Variants in IQCN observed in about 807,000 individuals in gnomAD.
The protein encoded by IQCN is IQ domain-containing protein N.
In IQCN, 46 loss-of-function variants were observed where a neutral mutation model predicts 64.4. That is an observed-to-expected ratio of 0.71 (90% CI 0.56 to 0.91). The LOEUF is 0.91. Among genes scored for constraint, IQCN ranks in the 40% least tolerant of loss-of-function variants. The pLI is 0.00. For synonymous variants in IQCN, 733 were observed against 775.6 expected (o/e 0.95, Z 0.91); for missense variants, 1,753 against 1,857.4 (o/e 0.94, Z 1.03).
chr19:18,273,077 C>G (rs557461557), intron 1 of IQCN, among the ~76,000 whole-genome samples: 3 of 152,048 alleles, frequency 2.0e-5, no homozygotes, highest in Non-Finnish European at 4.4e-5. Context: ...GTTGCCCAGG[C>G]TGAAGTGCAG....
At chr19:18,258,444 A>C in intron 3 of IQCN, 1 of 568,116 alleles carries the variant, frequency 1.8e-6, no homozygotes, top group South Asian at 1.5e-5. Context: ...CAGTTCTGGA[A>C]CAATCCTACC....
rs1969311887 is a variant in IQCN, at chr19:18,257,184, A to G, written c.4100T>C (p.Ile1367Thr). 1 of 1,612,686 alleles carries G rather than the reference A, an allele frequency of 6.2e-7. No individual in the cohort carries two copies. The highest frequency in any genetic ancestry group is 1.7e-5 in the Admixed American group (1 of 60,000). ...ASSRHMHWPG[I>T] ...CCACTGCAGGGAGCCAGGGTCCTAG[A>G]TGCCAGGCCAATGCATGTGCCGTGA... Residue 1367 changes from isoleucine to threonine, a missense_variant, in exon 4 of 4, where the codon ATC becomes ACC. Physicochemically the swap from Ile to Thr is moderately conservative, Grantham distance 89. Coordinates refer to ENST00000392413, the MANE Select transcript of IQCN (RefSeq NM_001145304.2).
chr19:18,272,759 T>C (rs533007287), intron 1 of IQCN, among the ~76,000 whole-genome samples: 69 of 152,000 alleles, frequency 4.5e-4, no homozygotes, highest in African/African-American at 1.2e-3. Context: ...TACAGGCGCC[T>C]GCCACCACGC....
intron 3 of IQCN, among the ~76,000 whole-genome samples, chr19:18,263,689 G>C (rs1969479891): frequency 6.6e-6 from 1 of 152,122 alleles, no homozygotes; most frequent in African/African-American, 2.4e-5. Flanking sequence ...CTGGATGCCT[G>C]CTGCTGGCCT....
chr19:18,274,099 A>C (rs891862087), intron 1 of IQCN, among the ~76,000 whole-genome samples: 10 of 152,074 alleles, frequency 6.6e-5, no homozygotes, highest in Non-Finnish European at 1.5e-4. Flanking sequence ...GTCTCTATTT[A>C]TTTAAAAAAA....
Position 18,264,921 on chromosome 19 carries a change from T to G in IQCN, c.2619A>C (p.Val873=), listed in dbSNP as rs1181258958. ...GQAVPCQEDT[V]GSLLASLCAE... is the part of the protein sequence containing the mutation. The stretch of plus-strand genomic sequence containing the variant: ...CACACAAGGAGGCCAGCAGGGAGCC[T>G]ACCGTGTCCTCCTGGCAGGGCACCG... The change falls in exon 3 of 4, where the codon GTA becomes GTC. Residue 873 remains valine (V), a synonymous_variant. Transcript: ENST00000392413. This position sits in a 1 kb window ranked among gnomAD's most constrained non-coding sequence, Gnocchi z 4.3. 6.2e-7 allele frequency: 1 copy of G among 1,613,214 alleles called. No individual in the cohort carries two copies. The highest frequency in any genetic ancestry group is 1.6e-4 in the Middle Eastern group (1 of 6,062).
chr19:18,268,832 C>G (rs182883997), intron 2 of IQCN, among the ~76,000 whole-genome samples: 1,637 of 151,848 alleles, frequency 0.011, 85 homozygotes, highest in Admixed American at 0.097. Context: ...CATGGTGGCT[C>G]GTGCCTGTAA....
Position 18,266,234 on chromosome 19 carries a change from A to G in IQCN, c.1306T>C (p.Ser436Pro), listed in dbSNP as rs2148105209. The G allele has an allele frequency of 6.2e-7, 1 of 1,613,838 alleles. No homozygotes were observed. The part of the protein sequence containing the change: ...KNRPQVSLLA[S>P]IMKSLPQVCP... ...ACCTGGGGCAGGCTCTTCATGATGGAAGCCAGAAGGGAAACCTGAGGTCGG... is the reference window on the plus strand; with the variant it reads ...ACCTGGGGCAGGCTCTTCATGATGGGAGCCAGAAGGGAAACCTGAGGTCGG... The change falls in exon 3 of 4, where the codon TCC becomes CCC. Residue 436 changes from serine to proline, a missense_variant. Coordinates refer to ENST00000392413, the MANE Select transcript of IQCN (RefSeq NM_001145304.2). This position sits in a 1 kb window ranked among gnomAD's most constrained non-coding sequence, Gnocchi z 4.3.
In IQCN at chr19:18,257,971, A is replaced by G; in HGVS notation, c.3313T>C (p.Ser1105Pro). 6.2e-7 allele frequency: 1 copy of G among 1,612,484 alleles called. No homozygotes were observed. The highest frequency in any genetic ancestry group is 8.5e-7 in the Non-Finnish European group (1 of 1,179,678). The part of the protein sequence containing the change: ...PPRRSGEPMV[S>P]MQAAEEIRIL... ...CGGATCTCCTCTGCAGCCTGCATGGACACCATTGGCTCCCCGGACCGCCTG... is the reference window on the plus strand; with the variant it reads ...CGGATCTCCTCTGCAGCCTGCATGGGCACCATTGGCTCCCCGGACCGCCTG... Residue 1105 changes from serine to proline, a missense_variant, in exon 4 of 4, where the codon TCC becomes CCC. By Grantham distance (74) the Ser-to-Pro change is moderately conservative. Transcript: ENST00000392413.
intron 3 of IQCN, chr19:18,260,460 C>CCATG (rs1969400781): frequency 6.5e-6 from 1 of 152,696 alleles, no homozygotes; most frequent in African/African-American, 2.4e-5. Flanking sequence ...CTCATTGAGG[C>CCATG]CATGACATGT....
At chr19:18,260,279 C>T (rs1969396381) in intron 3 of IQCN, 1 of 152,460 alleles carries the variant, frequency 6.6e-6, no homozygotes. Context: ...ATAGGTTCAC[C>T]CCAGTACCCA....
chr19:18,269,107 G>A (rs1030896156), intron 2 of IQCN, among the ~76,000 whole-genome samples: 1 of 151,758 alleles, frequency 6.6e-6, no homozygotes, highest in African/African-American at 2.4e-5. Context: ...TCCAGCCTGG[G>A]CAACAGAAGT....
Position 18,264,258 on chromosome 19 carries a change from G to T in IQCN, c.3177+105C>A, listed in dbSNP as rs566911781. The stretch of plus-strand genomic sequence containing the variant: ...TCCCACAGTGACCACAGATAAGCAG[G>T]GTGACCCCCACAAGATGGCCCCATC... On this transcript the variant is annotated intron_variant, in intron 3 of 3. Transcript: ENST00000392413. The surrounding 1 kb of genome is among the most constrained non-coding windows in gnomAD (Gnocchi z 4.3). The T allele has an allele frequency of 6.1e-5, 61 of 992,968 alleles. No individual in the cohort carries two copies. In the East Asian group the frequency reaches 1.5e-3, roughly 25 times the overall value. 61.5% of individuals were successfully genotyped at this position (992,968 alleles called of 1,614,324 possible). A position where few individuals can be genotyped will look rare whatever the true frequency, so the allele number is the denominator to read the frequency against.
intron 1 of IQCN, among the ~76,000 whole-genome samples, chr19:18,272,587 A>G (rs1429477425): frequency 6.6e-6 from 1 of 150,634 alleles, no homozygotes; most frequent in African/African-American, 2.4e-5. Context: ...AGCGCCCTCT[A>G]TTGAGAAATC....
At position 18,265,571 on chromosome 19, in the gene IQCN, G is replaced by C. The variant is rs1468282231; in HGVS notation, c.1969C>G (p.Leu657Val). The change falls in exon 3 of 4, where the codon CTG (leucine) becomes GTG (valine). Residue 657 changes from leucine (L) to valine (V), a missense_variant. By Grantham distance (32) the Leu-to-Val change is conservative (BLOSUM62 1). Transcript: ENST00000392413. This position sits in a 1 kb window ranked among gnomAD's most constrained non-coding sequence, Gnocchi z 4.7. ...GGGGCAGCCAGCTGTCCCCGGGGCA[G>C]GGTGACAGCCATGTCTACAGGCACA... ...VYVPVDMAVT[L>V]PRGQLAAPLT... 6.2e-7 allele frequency: 1 copy of C among 1,612,150 alleles called. No homozygotes were observed. Among genetic ancestry groups the C allele is most frequent in the Admixed American group, 1.7e-5 (1 of 59,968 alleles).
chr19:18,263,210 T>C (rs1484472251), intron 3 of IQCN, among the ~76,000 whole-genome samples: 1 of 152,226 alleles, frequency 6.6e-6, no homozygotes, highest in Non-Finnish European at 1.5e-5. Context: ...GTGACTCATC[T>C]ATCTTGTTGA....
intron 2 of IQCN, 175 bp from the exon 3 acceptor site, chr19:18,267,701 C>T (rs1969633930): frequency 3.2e-6 from 2 of 632,498 alleles, no homozygotes; most frequent in Admixed American, 3.6e-5. Flanking sequence ...TCCTTATATC[C>T]ACCTCTCATC....
At position 18,265,228 on chromosome 19, in the gene IQCN, G is replaced by C; in HGVS notation, c.2312C>G (p.Ser771Cys). 1 of 1,612,980 alleles carries C rather than the reference G, an allele frequency of 6.2e-7. No individual in the cohort carries two copies. The change falls in exon 3 of 4, where the codon TCC becomes TGC. Residue 771 changes from serine (S) to cysteine (C), a missense_variant. Physicochemically the swap from Ser to Cys is moderately radical, Grantham distance 112. Coordinates refer to ENST00000392413, the MANE Select transcript of IQCN (RefSeq NM_001145304.2). This position sits in a 1 kb window ranked among gnomAD's most constrained non-coding sequence, Gnocchi z 4.7. Reference sequence around the variant, plus strand: ...CTTGGACCCTGTTAGGAGCACCTGGGAGTGGGTGTTGCTGCTGAGATCAGC... The same window carrying C: ...CTTGGACCCTGTTAGGAGCACCTGGCAGTGGGTGTTGCTGCTGAGATCAGC... Reference protein sequence around the residue: ...QAADLSSNTHSQVLLTGSKVS... With the variant: ...QAADLSSNTHCQVLLTGSKVS...
intron 2 of IQCN, among the ~76,000 whole-genome samples, chr19:18,268,292 CAG>C (rs1250586352): frequency 2.0e-5 from 3 of 150,212 alleles, no homozygotes; most frequent in Non-Finnish European, 3.0e-5. Context: ...TCCTAGAAGA[CAG>C]AGTCATTTCT....
Sources: gnomAD v4.1 joint callset for allele counts (sites outside exome capture counted in the v4.1 genomes callset) on GRCh38, gnomAD v4.1.1 for gene constraint, Gnocchi (gnomAD v3.1) non-coding constraint, MANE v1.5 for transcripts, NCBI Gene and HGNC (gene_info 2026-07-23, HGNC 2026-07-21) for gene names.